Variants in PXK observed in about 807,000 individuals in gnomAD.
PXK encodes the protein PX domain containing serine/threonine kinase like, also known as PX domain-containing protein kinase-like protein.
PXK carries 35 observed loss-of-function variants against 84.7 expected under a neutral mutation model. That is an observed-to-expected ratio of 0.41 (90% confidence interval 0.32 to 0.55). PXK has a LOEUF of 0.55. PXK is among the 20% of genes least tolerant of loss of function. The probability of loss-of-function intolerance (pLI) is 0.21; values close to 1 mark genes in which losing one functional copy is unlikely to be tolerated. For synonymous variants in PXK, 253 were observed against 260.8 expected, an observed-to-expected ratio of 0.97 and a Z score of 0.29; for missense variants, 634 against 699.7, an observed-to-expected ratio of 0.91 and a Z score of 1.06.
rs765492282 is a variant in PXK at position 58,403,871 on chromosome 3, C to T, written c.1191C>T (p.Ser397=). 6 of 1,541,746 alleles carry T rather than the reference C, an allele frequency of 3.9e-6. 1 individual carries two copies. Among genetic ancestry groups the T allele is most frequent in the South Asian group, 3.9e-5 (3 of 77,512 alleles). ...TTTCTTTTCTTTACAGATTATTCAG[C>T]GATGTTTTACTAACCACTTCTGAAA... ...ISRLLQMPLF[S]DVLLTTSEKP... The change falls in exon 13 of 18, where the codon AGC becomes AGT. Residue 397 remains serine (S), a synonymous_variant. Transcript: ENST00000356151.
rs1341615456 is a variant in PXK at position 58,411,102 on chromosome 3, G to A, written c.1465+943G>A. ...GGTGAAGAGGCAGAGATGTTTAGAA[G>A]GGAGGAAATTGGGGATATTCACAGG... On this transcript the variant is annotated intron_variant, in intron 16 of 17. Transcript: ENST00000356151. The surrounding 1 kb of genome is among the most constrained non-coding windows in gnomAD (Gnocchi z 4.2). Among the ~76,000 whole-genome samples the A allele has an allele frequency of 6.6e-6, 1 of 152,210 alleles. No individual in the cohort carries two copies. Among genetic ancestry groups the A allele is most frequent in the Non-Finnish European group, 1.5e-5 (1 of 68,036 alleles).
chr3:58,424,790 C>A lies in PXK; in HGVS notation c.1567C>A (p.Pro523Thr), dbSNP rs1224774432. 6.2e-7 allele frequency: 1 copy of A among 1,614,162 alleles called. No homozygotes were observed. Among genetic ancestry groups the A allele is most frequent in the Non-Finnish European group, 8.5e-7 (1 of 1,180,028 alleles). The change falls in exon 18 of 18, where the codon CCA becomes ACA. Residue 523 changes from proline to threonine, a missense_variant. Around this residue, in one of 3 missense-constraint regions of PXK, gnomAD observed 273 missense variants for 283.6 expected, o/e 0.96. Coordinates refer to ENST00000356151, the MANE Select transcript of PXK (RefSeq NM_017771.5). The stretch of plus-strand genomic sequence containing the variant: ...ACCTCCACCTCCTCCACCTCCACCA[C>A]CACCAGCAGCTCCCTTGCCTCCTGC... ...ALPPPPPPPP[P>T]PAAPLPPAST...
In PXK at chr3:58,383,322, C is replaced by T. The variant is rs900262555; in HGVS notation, c.388+622C>T. ...GATAATAATAATAATAATTAATCCA[C>T]AATAACGCATACAGTAATTTTTATA... On this transcript the variant is annotated intron_variant, in intron 4 of 17. Coordinates refer to ENST00000356151, the MANE Select transcript of PXK (RefSeq NM_017771.5). The surrounding 1 kb of genome is among the most constrained non-coding windows in gnomAD (Gnocchi z 4.0). Among the ~76,000 whole-genome samples, 2 of 152,146 alleles carry T rather than the reference C, an allele frequency of 1.3e-5. No individual in the cohort carries two copies. The highest frequency in any genetic ancestry group is 4.8e-5 in the African/African-American group (2 of 41,430).
intron 3 of PXK, among the ~76,000 whole-genome samples, chr3:58,375,293 C>T (rs1009638191): frequency 2.6e-5 from 4 of 152,050 alleles, no homozygotes; most frequent in Admixed American, 6.6e-5. Context: ...AAAATCCTTG[C>T]TCCATATACA....
chr3:58,406,550 A>G (rs369864188), intron 13 of PXK, among the ~76,000 whole-genome samples: 198 of 152,312 alleles, frequency 1.3e-3, no homozygotes, highest in African/African-American at 4.6e-3. Context: ...GGTGTGAGCC[A>G]CTGTGCCTGA....
intron 1 of PXK, among the ~76,000 whole-genome samples, chr3:58,344,673 A>C (rs1167005646): frequency 6.6e-6 from 1 of 152,188 alleles, no homozygotes; most frequent in African/African-American, 2.4e-5. Flanking sequence ...AAAAATACAC[A>C]AATAATTAGC....
At position 58,379,534 on chromosome 3, in the gene PXK, A is replaced by G. The variant is rs1363121088; in HGVS notation, c.202-2980A>G. ...TCATACCTGACTCCCACCAAGAAAG[A>G]CTTTTAACTTGAAAGTGACCAAAAC... On this transcript the variant is annotated intron_variant, in intron 3 of 17. Transcript: ENST00000356151. The surrounding 1 kb of genome is among the most constrained non-coding windows in gnomAD (Gnocchi z 5.1). 1 of 157,080 alleles carries G rather than the reference A, an allele frequency of 6.4e-6. No homozygotes were observed. The highest frequency in any genetic ancestry group is 1.5e-5 in the Non-Finnish European group (1 of 68,328). The allele number at this position is 157,080 out of a possible 1,614,324, so 9.7% of individuals were successfully genotyped here. A position where few individuals can be genotyped will look rare whatever the true frequency, so the allele number is the denominator to read the frequency against.
At chr3:58,403,016 T>TC (rs1191835923) in intron 12 of PXK, among the ~76,000 whole-genome samples, 1 of 151,710 alleles carries the variant, frequency 6.6e-6, no homozygotes, top group African/African-American at 2.4e-5. Flanking sequence ...CCCTTTTTTT[T>TC]TTTTTTAAGA....
intron 9 of PXK, 30 bp downstream of exon 9, chr3:58,395,789 C>T: frequency 6.5e-7 from 1 of 1,536,322 alleles, no homozygotes; most frequent in Non-Finnish European, 8.9e-7. Flanking sequence ...AAGTTGCATT[C>T]AGATTTCATC....
At chr3:58,391,393 T>C (rs1053759107) in intron 6 of PXK, among the ~76,000 whole-genome samples, 173 bp downstream of exon 6, 7 of 152,164 alleles carry the variant, frequency 4.6e-5, no homozygotes, top group African/African-American at 1.2e-4. Flanking sequence ...TATTTGGTTA[T>C]ATAAATGCAA....
intron 13 of PXK, among the ~76,000 whole-genome samples, chr3:58,408,525 CTT>C (rs10587686): frequency 7.0e-5 from 10 of 143,048 alleles, no homozygotes; most frequent in Non-Finnish European, 1.1e-4. Context: ...CCAAATGACT[CTT>C]TTTTTTTTTT....
In PXK at chr3:58,397,831, C is replaced by A; in HGVS notation, c.1102+109C>A. On this transcript the variant is annotated intron_variant, in intron 11 of 17. Transcript: ENST00000356151. The surrounding 1 kb of genome is among the most constrained non-coding windows in gnomAD (Gnocchi z 4.7). ...CAGAGGAAGTTGCTGTCCTCCACAG[C>A]CAGAAATTCTTACAAAATTTAAAAG... 2 of 801,238 alleles carry A rather than the reference C, an allele frequency of 2.5e-6. No individual in the cohort carries two copies. The highest frequency in any genetic ancestry group is 2.1e-5 in the South Asian group (1 of 47,740). 49.6% of individuals were successfully genotyped at this position (801,238 alleles called of 1,614,324 possible).
intron 2 of PXK, among the ~76,000 whole-genome samples, chr3:58,368,889 A>C (rs944493071): frequency 1.3e-5 from 2 of 152,246 alleles, no homozygotes; most frequent in Non-Finnish European, 2.9e-5. Flanking sequence ...GAATGTGTAG[A>C]CAATGGAAGG....
intron 7 of PXK, among the ~76,000 whole-genome samples, chr3:58,392,740 C>T (rs2098643690): frequency 6.6e-6 from 1 of 151,620 alleles, no homozygotes; most frequent in Non-Finnish European, 1.5e-5. Context: ...CGGCTCACTG[C>T]AACCTCCACC....
intron 1 of PXK, among the ~76,000 whole-genome samples, chr3:58,359,355 C>G (rs1288930772): frequency 6.6e-6 from 1 of 151,486 alleles, no homozygotes; most frequent in Non-Finnish European, 1.5e-5. Flanking sequence ...CATGGTGAAA[C>G]CCCCTCTCTA....
chr3:58,369,455 G>C lies in PXK; in HGVS notation c.178G>C (p.Asp60His). 2 of 1,610,490 alleles carry C rather than the reference G, an allele frequency of 1.2e-6. No homozygotes were observed. Among genetic ancestry groups the C allele is most frequent in the Non-Finnish European group, 1.7e-6 (2 of 1,176,878 alleles). ...GATTGTTAGAAGATACAGTGACTTT[G>C]ATTTGCTTAACAACAGCTTACAGGT... is the stretch of plus-strand genomic sequence containing the variant. The part of the protein sequence containing the change: ...WQIVRRYSDF[D>H]LLNNSLQIAG... The change falls in exon 3 of 18, where the codon GAT (aspartate) becomes CAT (histidine). Residue 60 changes from aspartate to histidine, a missense_variant. Coordinates refer to ENST00000356151, the MANE Select transcript of PXK (RefSeq NM_017771.5).
In PXK at chr3:58,398,352, G is replaced by GA. The variant is rs1448859709; in HGVS notation, c.1102+631dup. Among the ~76,000 whole-genome samples, 1 of 152,194 alleles carries GA rather than the reference G, an allele frequency of 6.6e-6. No homozygotes were observed. The highest frequency in any genetic ancestry group is 1.5e-5 in the Non-Finnish European group (1 of 68,034). On this transcript the variant is annotated intron_variant, in intron 11 of 17. Coordinates refer to ENST00000356151, the MANE Select transcript of PXK (RefSeq NM_017771.5). The surrounding 1 kb of genome is among the most constrained non-coding windows in gnomAD (Gnocchi z 4.5). ...CCTCTTGGGAGGTGGAGGTTGCAGT[G>GA]AGCCGAGATTGCGCCACTGCACTCC...
chr3:58,419,002 A>G (rs1190927446), intron 17 of PXK, among the ~76,000 whole-genome samples: 1 of 152,252 alleles, frequency 6.6e-6, no homozygotes, highest in Non-Finnish European at 1.5e-5. Flanking sequence ...CAGAATGAAG[A>G]CCCAAAGGTA....
At chr3:58,359,529 C>CAA (rs1166326356) in intron 1 of PXK, among the ~76,000 whole-genome samples, 10 of 77,094 alleles carry the variant, frequency 1.3e-4, no homozygotes, top group African/African-American at 2.4e-4. Flanking sequence ...GACTCTGTCT[C>CAA]AAAAAAAAAA....
Sources: allele counts gnomAD v4.1 joint callset (sites outside exome capture counted in the v4.1 genomes callset), GRCh38; gene constraint gnomAD v4.1.1; regional missense constraint gnomAD v4.1.1; non-coding constraint Gnocchi (gnomAD v3.1); transcripts MANE v1.5; gene names NCBI Gene and HGNC (gene_info 2026-07-23, HGNC 2026-07-21).